Variants in RNF220 observed in about 807,000 individuals in gnomAD.
RNF220 encodes the protein ring finger protein 220.
A neutral mutation model predicts 67.1 loss-of-function variants in RNF220; 7 were observed. The observed-to-expected ratio is 0.10, with a 90% CI of 0.06 to 0.20. The LOEUF (loss-of-function observed/expected upper bound fraction) is 0.20, where lower values mean the gene tolerates loss of function less well. Among genes scored for constraint, RNF220 ranks in the 10% least tolerant of loss-of-function variants. The pLI is 1.00. For missense variants in RNF220, 565 were observed against 740.3 expected (o/e 0.76, Z 2.75); for synonymous variants, 270 against 283.2 (o/e 0.95, Z 0.47).
intron 2 of RNF220, among the ~76,000 whole-genome samples, chr1:44,593,001 TG>T (rs570144151): frequency 2.0e-5 from 3 of 152,042 alleles, no homozygotes; most frequent in African/African-American, 7.2e-5. Flanking sequence ...GAGTTTTTGA[TG>T]GGGGGGATGG....
intron 2 of RNF220, among the ~76,000 whole-genome samples, chr1:44,579,058 A>T (rs1665041901): frequency 6.6e-6 from 1 of 151,720 alleles, no homozygotes; most frequent in South Asian, 2.1e-4. Flanking sequence ...CGGGAGGCTG[A>T]GGGAGGGGAA....
intron 2 of RNF220, among the ~76,000 whole-genome samples, chr1:44,591,549 T>C (rs1410445455): frequency 6.6e-6 from 1 of 152,232 alleles, no homozygotes; most frequent in Non-Finnish European, 1.5e-5. Flanking sequence ...CCAACTGCCT[T>C]GTGCTGGGCC....
At chr1:44,640,402 G>C (rs1392536956) in intron 8 of RNF220, among the ~76,000 whole-genome samples, 1 of 152,252 alleles carries the variant, frequency 6.6e-6, no homozygotes, top group African/African-American at 2.4e-5. Flanking sequence ...TCTGTCGCCT[G>C]TTGGGAGGGG....
rs1264510371 is a variant in RNF220 at position 44,458,342 on chromosome 1, T to G, written c.625+45620T>G. Among the ~76,000 whole-genome samples, 6 of 151,726 alleles carry G rather than the reference T, an allele frequency of 4.0e-5. No homozygotes were observed. In the South Asian group the frequency reaches 6.2e-4, roughly 16 times the overall value. ...CATTGTTAGGATTTTTCCAGTTTTT[T>G]TTTTTTTTTTTACTAATATCATAAT... On this transcript the variant is annotated intron_variant, in intron 2 of 14. Transcript: ENST00000361799.
At chr1:44,438,222 G>C (rs932704362) in intron 2 of RNF220, among the ~76,000 whole-genome samples, 5 of 152,130 alleles carry the variant, frequency 3.3e-5, no homozygotes, top group Non-Finnish European at 5.9e-5. Context: ...CTGGGCTCAA[G>C]TGATCCTCAC....
chr1:44,583,606 G>A (rs1665479200), intron 2 of RNF220, among the ~76,000 whole-genome samples: 1 of 152,166 alleles, frequency 6.6e-6, no homozygotes, highest in Non-Finnish European at 1.5e-5. Context: ...AGAATCAAAA[G>A]AATCAAAGAA....
At chr1:44,455,623 A>G (rs1653100575) in intron 2 of RNF220, among the ~76,000 whole-genome samples, 2 of 152,218 alleles carry the variant, frequency 1.3e-5, no homozygotes, top group Admixed American at 1.3e-4. Context: ...TAGAACTGCA[A>G]AGGCATGAAC....
intron 1 of RNF220, among the ~76,000 whole-genome samples, chr1:44,407,322 A>G (rs1252028278): frequency 6.6e-6 from 1 of 152,182 alleles, no homozygotes; most frequent in Non-Finnish European, 1.5e-5. Flanking sequence ...GTGAGGAAGC[A>G]GCGAGGGGAC....
At chr1:44,527,535 A>C (rs896234596) in intron 2 of RNF220, among the ~76,000 whole-genome samples, 2 of 152,190 alleles carry the variant, frequency 1.3e-5, no homozygotes, top group Non-Finnish European at 2.9e-5. Context: ...AGATGAGAGA[A>C]TCGCTTAAGT....
intron 2 of RNF220, among the ~76,000 whole-genome samples, chr1:44,550,266 A>C (rs79183623): frequency 6.6e-6 from 1 of 152,176 alleles, no homozygotes; most frequent in African/African-American, 2.4e-5. Context: ...AGAAGCCCAG[A>C]TGACCCAGAC....
intron 2 of RNF220, among the ~76,000 whole-genome samples, chr1:44,601,334 A>G (rs901059755): frequency 6.6e-6 from 1 of 152,124 alleles, no homozygotes; most frequent in African/African-American, 2.4e-5. Flanking sequence ...TGAGAAGAGA[A>G]GGAGAAGAAA....
At chr1:44,432,633 C>T (rs867804486) in intron 2 of RNF220, among the ~76,000 whole-genome samples, 1 of 152,020 alleles carries the variant, frequency 6.6e-6, no homozygotes, top group Non-Finnish European at 1.5e-5. Flanking sequence ...TGGCTATTCA[C>T]AGGTGTGATT....
At chr1:44,603,574 A>G (rs1323680004) in intron 2 of RNF220, among the ~76,000 whole-genome samples, 1 of 152,232 alleles carries the variant, frequency 6.6e-6, no homozygotes, top group Admixed American at 6.5e-5. Flanking sequence ...ATTCCCAGCT[A>G]AAAATGACAA....
At chr1:44,566,136 G>A (rs1179915294) in intron 2 of RNF220, among the ~76,000 whole-genome samples, 3 of 152,146 alleles carry the variant, frequency 2.0e-5, no homozygotes, top group Admixed American at 2.0e-4. Context: ...TTCCCCAGGG[G>A]CAGGGACCCT....
At chr1:44,476,636 G>A (rs1294948964) in intron 2 of RNF220, among the ~76,000 whole-genome samples, 1 of 152,154 alleles carries the variant, frequency 6.6e-6, no homozygotes, top group Non-Finnish European at 1.5e-5. Flanking sequence ...TGTAGTTGGG[G>A]CAGCAAATAC....
chr1:44,649,251 T>G lies in RNF220; in HGVS notation c.1446-410T>G. The G allele has an allele frequency of 1.8e-5, 4 of 225,466 alleles. No individual in the cohort carries two copies. Among genetic ancestry groups the G allele is most frequent in the East Asian group, 1.3e-4 (1 of 7,562 alleles). 14.0% of individuals were successfully genotyped at this position (225,466 alleles called of 1,614,324 possible). ...TAAATTCCTCTAGGCGCTGGGAGAG[T>G]GGAATAGAGATGAGGGGCCTGGAGG... On this transcript the variant is annotated intron_variant, in intron 12 of 14. Transcript: ENST00000361799. This position sits in a 1 kb window ranked among gnomAD's most constrained non-coding sequence, Gnocchi z 5.9.
intron 2 of RNF220, among the ~76,000 whole-genome samples, chr1:44,506,953 C>T (rs898363846): frequency 3.3e-5 from 5 of 152,166 alleles, no homozygotes; most frequent in Admixed American, 1.3e-4. Context: ...ACCCATCATG[C>T]CCTCAGGCCA....
intron 2 of RNF220, among the ~76,000 whole-genome samples, chr1:44,573,627 T>C (rs2355354): frequency 0.047 from 7,180 of 152,242 alleles, 518 homozygotes; most frequent in African/African-American, 0.16. Flanking sequence ...GGGGTCTGAT[T>C]TCCCAAGAGG....
At chr1:44,434,292 T>C (rs1650717784) in intron 2 of RNF220, among the ~76,000 whole-genome samples, 1 of 152,008 alleles carries the variant, frequency 6.6e-6, no homozygotes, top group Admixed American at 6.6e-5. Context: ...GGAGATGAGA[T>C]GGAGAGGAGC....
Sources: gnomAD v4.1 joint callset for allele counts (sites outside exome capture counted in the v4.1 genomes callset) on GRCh38, gnomAD v4.1.1 for gene constraint, Gnocchi (gnomAD v3.1) non-coding constraint, MANE v1.5 for transcripts, NCBI Gene and HGNC (gene_info 2026-07-23, HGNC 2026-07-21) for gene names.